Variants in TDP1 observed in about 807,000 individuals in gnomAD.
The protein encoded by TDP1 is tyr-DNA phosphodiesterase 1.
TDP1 carries 64 observed loss-of-function variants against 81.5 expected under a neutral mutation model. That is an observed-to-expected ratio of 0.79 (90% CI 0.64 to 0.97). TDP1 has a LOEUF of 0.97. Ranked by LOEUF, TDP1 falls within the 50% of genes least tolerant of loss-of-function variation. The probability of loss-of-function intolerance (pLI) is 0.00; values close to 1 mark genes in which losing one functional copy is unlikely to be tolerated. For missense variants in TDP1, 723 were observed against 743.8 expected (o/e 0.97, Z 0.33); for synonymous variants, 256 against 264.3 (o/e 0.97, Z 0.30).
At chr14:90,011,525 T>C (rs1039739686) in intron 14 of TDP1, among the ~76,000 whole-genome samples, 1 of 152,230 alleles carries the variant, frequency 6.6e-6, no homozygotes. Flanking sequence ...GACAGTGATA[T>C]GGACAATGAA....
Position 89,981,234 on chromosome 14 carries a change from T to C in TDP1, c.884+602T>C, listed in dbSNP as rs1894939703. ...TTTAAGCTGGTGTCTTTTTAGAGCC[T>C]TTAGTGTGTTAATAAAGTTGTGAAT... On this transcript the variant is annotated intron_variant, in intron 8 of 16. Transcript: ENST00000335725. Among the ~76,000 whole-genome samples the C allele has an allele frequency of 2.6e-5, 4 of 152,172 alleles. No homozygotes were observed. The South Asian group carries it at 8.3e-4, about 32-fold the overall frequency.
intron 16 of TDP1, among the ~76,000 whole-genome samples, chr14:90,041,878 GA>G (rs1430825978): frequency 6.6e-6 from 1 of 152,196 alleles, no homozygotes; most frequent in African/African-American, 2.4e-5. Flanking sequence ...TTAAGATGAA[GA>G]AAAGTTCACA....
intron 14 of TDP1, among the ~76,000 whole-genome samples, chr14:90,016,046 C>CTTT (rs1225633650): frequency 7.1e-6 from 1 of 140,904 alleles, no homozygotes; most frequent in Non-Finnish European, 1.6e-5. Flanking sequence ...CTTTTTTTTT[C>CTTT]TTTTTTTTTT....
intron 7 of TDP1, among the ~76,000 whole-genome samples, chr14:89,976,555 T>TA (rs568759321): frequency 0.011 from 1,527 of 132,822 alleles, 73 homozygotes; most frequent in African/African-American, 0.044. Context: ...TTTTTTTTTT[T>TA]AGACAGAGTC....
intron 14 of TDP1, among the ~76,000 whole-genome samples, chr14:89,996,909 G>T (rs1896691659): frequency 6.6e-6 from 1 of 152,200 alleles, no homozygotes; most frequent in African/African-American, 2.4e-5. Context: ...GAATAAGGCG[G>T]CAGAGTTGAG....
intron 14 of TDP1, among the ~76,000 whole-genome samples, chr14:89,996,392 A>C (rs992394241): frequency 1.6e-4 from 25 of 152,142 alleles, no homozygotes; most frequent in Admixed American, 1.5e-3. Flanking sequence ...CCAACAGCCC[A>C]TGTAGTTTCT....
At chr14:89,989,195 C>CTT (rs35878148) in intron 11 of TDP1, 105 bp downstream of exon 11, 374 of 748,194 alleles carry the variant, frequency 5.0e-4, no homozygotes, top group African/African-American at 1.4e-3. Flanking sequence ...TTCTGTGATT[C>CTT]TTTTTTTTTT....
At position 89,974,661 on chromosome 14, in the gene TDP1, A is replaced by G. The variant is rs565934691; in HGVS notation, c.757-1120A>G. ...TATTGCATGCAGGCCCCCGTTGCTCAGCATTTTACATATGTGATCTCGTTC... is the reference window on the plus strand; with the variant it reads ...TATTGCATGCAGGCCCCCGTTGCTCGGCATTTTACATATGTGATCTCGTTC... On this transcript the variant is annotated intron_variant, in intron 6 of 16. Transcript: ENST00000335725. Among the ~76,000 whole-genome samples, 12 of 152,330 alleles carry G rather than the reference A, an allele frequency of 7.9e-5. No homozygotes were observed. The South Asian group carries it at 1.5e-3, about 18-fold the overall frequency.
intron 14 of TDP1, among the ~76,000 whole-genome samples, chr14:90,014,432 G>A (rs1792059473): frequency 6.6e-6 from 1 of 152,204 alleles, no homozygotes; most frequent in South Asian, 2.1e-4. Flanking sequence ...TGGAGTTTTA[G>A]GAAAGGGCAA....
chr14:89,998,372 T>TTATATATATATATATATATATATATA (rs58264054), intron 14 of TDP1, among the ~76,000 whole-genome samples: 3 of 53,148 alleles, frequency 5.6e-5, no homozygotes, highest in South Asian at 6.3e-4. Context: ...TCCAAGCACA[T>TTATATATATATATATATATATATATA]TATATATATA....
intron 5 of TDP1, chr14:89,970,767 T>TGATA: frequency 2.1e-6 from 2 of 949,192 alleles, no homozygotes; most frequent in Non-Finnish European, 2.5e-6. Context: ...ACATATCGAG[T>TGATA]GATAAGGAAG....
intron 16 of TDP1, among the ~76,000 whole-genome samples, chr14:90,038,390 A>C (rs1009686192): frequency 6.6e-6 from 1 of 152,216 alleles, no homozygotes; most frequent in African/African-American, 2.4e-5. Flanking sequence ...TTAATTTTAA[A>C]TAGCTCCCTA....
chr14:90,008,461 C>T (rs1456673142), intron 14 of TDP1, among the ~76,000 whole-genome samples: 1 of 152,188 alleles, frequency 6.6e-6, no homozygotes, highest in East Asian at 1.9e-4. Flanking sequence ...AGTCACGCTG[C>T]CTGAGTTCGA....
intron 5 of TDP1, among the ~76,000 whole-genome samples, chr14:89,969,735 A>T (rs1309102986): frequency 6.6e-6 from 1 of 152,118 alleles, no homozygotes; most frequent in African/African-American, 2.4e-5. Flanking sequence ...TCTCTAGTTG[A>T]TTGTTGTTCC....
intron 7 of TDP1, among the ~76,000 whole-genome samples, chr14:89,977,637 T>G (rs1169495270): frequency 3.3e-5 from 5 of 152,256 alleles, no homozygotes; most frequent in African/African-American, 1.2e-4. Flanking sequence ...CTTCTTATGT[T>G]CTTGACACAG....
At chr14:90,005,397 C>T (rs1018400562) in intron 14 of TDP1, among the ~76,000 whole-genome samples, 1 of 152,000 alleles carries the variant, frequency 6.6e-6, no homozygotes, top group Non-Finnish European at 1.5e-5. Context: ...AAAGGGTTCT[C>T]GAGGTTTAAA....
intron 14 of TDP1, among the ~76,000 whole-genome samples, chr14:90,017,675 A>C (rs1216345929): frequency 4.6e-5 from 7 of 152,150 alleles, no homozygotes; most frequent in Non-Finnish European, 8.8e-5. Flanking sequence ...ATCATCTAAA[A>C]ACTGAGAAAA....
chr14:90,033,237 C>G (rs750145817), intron 16 of TDP1, 23 bp downstream of exon 16: 1 of 1,354,874 alleles, frequency 7.4e-7, no homozygotes, highest in South Asian at 1.2e-5. Flanking sequence ...TAAAGGAAAA[C>G]CACGGGTGGA....
rs371396699 is a variant in TDP1, at chr14:90,008,163, A to G, written c.1542-11153A>G. On this transcript the variant is annotated intron_variant, in intron 14 of 16. Transcript: ENST00000335725. ...CAACAGTTCGGTAAAATTATTGGCTATTATCATTAAGCATATTGACTCACC... is the reference window on the plus strand; with the variant it reads ...CAACAGTTCGGTAAAATTATTGGCTGTTATCATTAAGCATATTGACTCACC... 8.9e-4 allele frequency among the ~76,000 whole-genome samples: 136 copies of G among 152,262 alleles called. 1 individual carries two copies. Among genetic ancestry groups the G allele is most frequent in the African/African-American group, 3.2e-3 (135 of 41,556 alleles).
Sources: allele counts gnomAD v4.1 joint callset (sites outside exome capture counted in the v4.1 genomes callset), GRCh38; gene constraint gnomAD v4.1.1; transcripts MANE v1.5; gene names NCBI Gene and HGNC (gene_info 2026-07-23, HGNC 2026-07-21).